Variants in ATG10 observed in about 807,000 individuals in gnomAD.
ATG10 encodes ubiquitin-like-conjugating enzyme ATG10.
In ATG10, 30 loss-of-function variants were observed where a neutral mutation model predicts 32.1. The ratio of observed to expected loss-of-function variants is 0.94; its 90% CI spans 0.70 to 1.27. The LOEUF (loss-of-function observed/expected upper bound fraction) is 1.27, where lower values mean the gene tolerates loss of function less well. Among genes scored for constraint, ATG10 ranks in the 50% most tolerant of loss-of-function variants. ATG10 has a pLI of 0.00. For missense variants in ATG10, 233 were observed against 262.3 expected (o/e 0.89, Z 0.77); for synonymous variants, 87 against 91.5 (o/e 0.95, Z 0.28).
intron 2 of ATG10, among the ~76,000 whole-genome samples, chr5:82,031,498 AG>A (rs780376236): frequency 2.0e-5 from 3 of 152,240 alleles, no homozygotes; most frequent in Non-Finnish European, 4.4e-5. Context: ...TAAACAAAGT[AG>A]GGTTAAGTTT....
chr5:82,248,199 A>G (rs770016251), intron 5 of ATG10, among the ~76,000 whole-genome samples: 6 of 152,152 alleles, frequency 3.9e-5, no homozygotes, highest in Non-Finnish European at 7.3e-5. Context: ...TGGCTGTCTT[A>G]TTTCCAGAAT....
chr5:81,986,283 G>A (rs945549561), intron 1 of ATG10, among the ~76,000 whole-genome samples: 2 of 152,224 alleles, frequency 1.3e-5, no homozygotes, highest in African/African-American at 4.8e-5. Flanking sequence ...TGAACACACA[G>A]TTAACTGATG....
intron 3 of ATG10, among the ~76,000 whole-genome samples, chr5:82,116,495 C>T (rs370725127): frequency 3.9e-5 from 6 of 152,118 alleles, no homozygotes; most frequent in African/African-American, 1.4e-4. Context: ...AGTAAATGCA[C>T]CATCGCATAT....
At position 82,183,704 on chromosome 5, in the gene ATG10, C is replaced by A. The variant is rs530861328; in HGVS notation, c.453+5117C>A. The stretch of plus-strand genomic sequence containing the variant: ...GACTACTTCTATAATGACAAAGTTT[C>A]TCTCTCCATCTTACTTACCTGAGGT... On this transcript the variant is annotated intron_variant, in intron 5 of 7. Coordinates refer to ENST00000282185, the MANE Select transcript of ATG10 (RefSeq NM_031482.5). 7.2e-5 allele frequency among the ~76,000 whole-genome samples: 11 copies of A among 152,248 alleles called. No homozygotes were observed. In the East Asian group the frequency reaches 2.1e-3, roughly 29 times the overall value.
intron 4 of ATG10, among the ~76,000 whole-genome samples, chr5:82,175,444 CTGT>C (rs775494654): frequency 2.0e-5 from 3 of 152,158 alleles, no homozygotes; most frequent in Non-Finnish European, 2.9e-5. Flanking sequence ...CTGTGCCCAG[CTGT>C]TGTTGTTGTT....
intron 5 of ATG10, among the ~76,000 whole-genome samples, chr5:82,230,089 A>G (rs1746296396): frequency 6.6e-6 from 1 of 152,190 alleles, no homozygotes; most frequent in Admixed American, 6.5e-5. Flanking sequence ...GTTCTCTTGC[A>G]TCAGGTCACT....
Position 82,183,785 on chromosome 5 carries a change from G to A in ATG10, c.453+5198G>A, listed in dbSNP as rs546157400. Among the ~76,000 whole-genome samples the A allele has an allele frequency of 1.6e-4, 24 of 152,268 alleles. No homozygotes were observed. The South Asian group carries it at 5.0e-3, about 32-fold the overall frequency. On this transcript the variant is annotated intron_variant, in intron 5 of 7. Coordinates refer to ENST00000282185, the MANE Select transcript of ATG10 (RefSeq NM_031482.5). ...CTTGATTCTTTCCCTTTGTGAGCTA[G>A]CTTTCAAGATAATGAGTTGGTTCTC...
chr5:82,003,148 T>C (rs1343986782), intron 2 of ATG10, among the ~76,000 whole-genome samples: 6 of 152,230 alleles, frequency 3.9e-5, no homozygotes, highest in African/African-American at 7.2e-5. Flanking sequence ...TAAGTACTTA[T>C]GTATTTATGT....
At chr5:82,232,207 A>G (rs1391163243) in intron 5 of ATG10, among the ~76,000 whole-genome samples, 4 of 152,190 alleles carry the variant, frequency 2.6e-5, no homozygotes, top group Non-Finnish European at 5.9e-5. Flanking sequence ...AAATAGACTT[A>G]AGTCAAAAAT....
At chr5:82,132,457 A>G (rs542790671) in intron 3 of ATG10, among the ~76,000 whole-genome samples, 1 of 115,344 alleles carries the variant, frequency 8.7e-6, no homozygotes, top group Non-Finnish European at 1.6e-5. Context: ...CCCTGTGTCC[A>G]TGTGTTCTCA....
chr5:82,015,161 C>T (rs1431125554), intron 2 of ATG10, among the ~76,000 whole-genome samples: 1 of 152,222 alleles, frequency 6.6e-6, no homozygotes, highest in African/African-American at 2.4e-5. Context: ...GGCCTCCACT[C>T]TCTCCTGGCT....
At chr5:82,003,344 G>A (rs557045911) in intron 2 of ATG10, among the ~76,000 whole-genome samples, 1 of 152,318 alleles carries the variant, frequency 6.6e-6, no homozygotes, top group African/African-American at 2.4e-5. Context: ...CCCACAAAAA[G>A]GAGGCAGAAT....
intron 3 of ATG10, among the ~76,000 whole-genome samples, chr5:82,133,975 T>C (rs1581724025): frequency 6.8e-6 from 1 of 146,884 alleles, no homozygotes; most frequent in Non-Finnish European, 1.5e-5. Context: ...TAATACTCTT[T>C]GTAGCAATTG....
Position 82,075,001 on chromosome 5 carries a change from T to G in ATG10, c.216+16399T>G, listed in dbSNP as rs74330032. 3.6e-3 allele frequency among the ~76,000 whole-genome samples: 551 copies of G among 152,316 alleles called. 5 individuals are homozygous for G. Among genetic ancestry groups the G allele is most frequent in the African/African-American group, 0.013 (528 of 41,578 alleles). ...TAGTTACTTGGTTGCTAAGGTAGCATTTTCCTGATTGGGAGGAGAAACCCT... is the reference window on the plus strand; with the variant it reads ...TAGTTACTTGGTTGCTAAGGTAGCAGTTTCCTGATTGGGAGGAGAAACCCT... On this transcript the variant is annotated intron_variant, in intron 3 of 7. Transcript: ENST00000282185.
At chr5:82,251,753 G>A (rs887030125) in intron 5 of ATG10, among the ~76,000 whole-genome samples, 1 of 152,114 alleles carries the variant, frequency 6.6e-6, no homozygotes, top group African/African-American at 2.4e-5. Flanking sequence ...TAGAACTTGT[G>A]CACAGATTAC....
intron 5 of ATG10, among the ~76,000 whole-genome samples, chr5:82,184,767 A>G (rs1201078356): frequency 6.6e-6 from 1 of 152,202 alleles, no homozygotes; most frequent in Admixed American, 6.5e-5. Flanking sequence ...TTAAAAAGCA[A>G]TTAAAATATT....
chr5:82,119,852 C>A (rs150523071), intron 3 of ATG10, among the ~76,000 whole-genome samples: 3 of 152,220 alleles, frequency 2.0e-5, no homozygotes, highest in African/African-American at 7.2e-5. Flanking sequence ...ATTATTTTAG[C>A]AACAGACTAG....
rs1007772076 is a variant in ATG10 at position 82,120,657 on chromosome 5, C to G, written c.217-43742C>G. Among the ~76,000 whole-genome samples, 3 of 146,578 alleles carry G rather than the reference C, an allele frequency of 2.0e-5. No individual in the cohort carries two copies. The South Asian group carries it at 6.3e-4, about 31-fold the overall frequency. ...AGAGAATCCCTCCTTTTACTTTTTT[C>G]TGTTTTTTTTTTAAGCCCCAGCCAC... On this transcript the variant is annotated intron_variant, in intron 3 of 7. Coordinates refer to ENST00000282185, the MANE Select transcript of ATG10 (RefSeq NM_031482.5).
intron 3 of ATG10, among the ~76,000 whole-genome samples, chr5:82,118,853 C>T (rs997958717): frequency 1.3e-5 from 2 of 152,012 alleles, no homozygotes; most frequent in African/African-American, 4.8e-5. Flanking sequence ...AACAAAGCAA[C>T]TGAGAAGGAT....
Sources: gnomAD v4.1 joint callset for allele counts (sites outside exome capture counted in the v4.1 genomes callset) on GRCh38, gnomAD v4.1.1 for gene constraint, MANE v1.5 for transcripts, NCBI Gene and HGNC (gene_info 2026-07-23, HGNC 2026-07-21) for gene names.